The following NOL9 variants were observed in gnomAD, a reference collection of about 807,000 sequenced individuals.
NOL9 encodes nucleolar protein 9, also known as polynucleotide 5'-hydroxyl-kinase NOL9.
A neutral mutation model predicts 67.9 loss-of-function variants in NOL9; 28 were observed. The observed-to-expected ratio is 0.41, with a 90% CI of 0.31 to 0.57. NOL9 has a LOEUF of 0.57. NOL9 is among the 20% of genes least tolerant of loss of function. NOL9 has a pLI of 0.25. For missense variants in NOL9, 777 were observed against 897.0 expected (o/e 0.87, Z 1.71); for synonymous variants, 356 against 352.2 (o/e 1.01, Z -0.12).
At chr1:6,538,962 ACT>A (rs1255173520) in intron 6 of NOL9, among the ~76,000 whole-genome samples, 3 of 152,180 alleles carry the variant, frequency 2.0e-5, no homozygotes, top group South Asian at 4.1e-4. Context: ...AAAGAGCAAG[ACT>A]CTGTCTCAGA....
chr1:6,548,539 G>A (rs1639470780), intron 3 of NOL9: 1 of 342,960 alleles, frequency 2.9e-6, no homozygotes, highest in African/African-American at 2.2e-5. Flanking sequence ...TTCAGGACAG[G>A]ATCAAGCGTG....
chr1:6,544,592 C>A (rs1469686234), intron 5 of NOL9, among the ~76,000 whole-genome samples: 1 of 128,238 alleles, frequency 7.8e-6, no homozygotes, highest in Admixed American at 9.9e-5. Context: ...GACTCTGAGA[C>A]CAAGTGTCTC....
rs1227877280 is a variant in NOL9 at position 6,547,971 on chromosome 1, ACCGTCATAG to A, written c.744+1591_744+1599del. The stretch of plus-strand genomic sequence containing the variant: ...CATCATCATAGGCTTCCTACAATAC[ACCGTCATAG>A]GCTTCCTACAATACAGGCTCTAACA... On this transcript the variant is annotated intron_variant, in intron 3 of 11. Coordinates refer to ENST00000377705, the MANE Select transcript of NOL9 (RefSeq NM_024654.5). 1.0e-3 allele frequency: 271 copies of A among 270,544 alleles called. 3 individuals carry two copies. The highest frequency in any genetic ancestry group is 1.5e-3 in the Non-Finnish European group (199 of 133,230). The allele number at this position is 270,544 out of a possible 1,614,324, so 16.8% of individuals were successfully genotyped here. A position where few individuals can be genotyped will look rare whatever the true frequency, so the allele number is the denominator to read the frequency against.
chr1:6,523,171 G>GA lies in NOL9; in HGVS notation c.*2682dup, dbSNP rs1288892675. ...AGCGAGACTCTGTCTCAAAAAAAAA[G>GA]AAAAAAAAAAAAGAATAGCTCCAAT... On this transcript the variant is annotated 3_prime_UTR_variant, in exon 12 of 12. Coordinates refer to ENST00000377705, the MANE Select transcript of NOL9 (RefSeq NM_024654.5). The GA allele has an allele frequency of 0.012, 1,589 of 131,580 alleles. 30 individuals are homozygous for GA. Among genetic ancestry groups the GA allele is most frequent in the African/African-American group, 0.039 (1,425 of 36,586 alleles). 8.2% of individuals were successfully genotyped at this position (131,580 alleles called of 1,614,324 possible). A position where few individuals can be genotyped will look rare whatever the true frequency, so the allele number is the denominator to read the frequency against.
rs1638894853 is a variant in NOL9, at chr1:6,526,772, G to A, written c.1883C>T (p.Pro628Leu). 6.2e-7 allele frequency: 1 copy of A among 1,613,790 alleles called. No homozygotes were observed. The highest frequency in any genetic ancestry group is 1.3e-5 in the African/African-American group (1 of 74,906). The change falls in exon 11 of 12, where the codon CCC becomes CTC. Residue 628 changes from proline (P) to leucine (L), a missense_variant. Physicochemically the swap from Pro to Leu is moderately conservative, Grantham distance 98 (BLOSUM62 -3). Coordinates refer to ENST00000377705, the MANE Select transcript of NOL9 (RefSeq NM_024654.5). ...ATTCACGGTCCTTAGCTCTTCCGGG[G>A]GCACAGGGGTGAGGATGTGGTACAG... is the stretch of plus-strand genomic sequence containing the variant. Reference protein sequence around the residue: ...KRLYHILTPVPPEELRTVNCL... With the variant: ...KRLYHILTPVLPEELRTVNCL...
At position 6,525,795 on chromosome 1, in the gene NOL9, C is replaced by A; in HGVS notation, c.*59G>T. 2 of 1,578,088 alleles carry A rather than the reference C, an allele frequency of 1.3e-6. No homozygotes were observed. The highest frequency in any genetic ancestry group is 2.2e-5 in the South Asian group (2 of 89,652). On this transcript the variant is annotated 3_prime_UTR_variant, in exon 12 of 12. Coordinates refer to ENST00000377705, the MANE Select transcript of NOL9 (RefSeq NM_024654.5). ...GAAACTCCATCATGTCTCTTGTGGT[C>A]AGGCTTGAGACAAAGCTTTCTGGTA...
intron 9 of NOL9, among the ~76,000 whole-genome samples, chr1:6,530,587 G>C (rs1200929865): frequency 1.3e-5 from 2 of 152,286 alleles, no homozygotes; most frequent in South Asian, 4.1e-4. Context: ...CATTAGCAAA[G>C]TGACTTAGAC....
At chr1:6,541,724 A>C in intron 6 of NOL9, 106 bp downstream of exon 6, 1 of 546,828 alleles carries the variant, frequency 1.8e-6, no homozygotes, top group Non-Finnish European at 3.0e-6. Context: ...TGGTAGGCGC[A>C]TGTTCCCTTT....
intron 1 of NOL9, 70 bp from the exon 2 acceptor site, chr1:6,550,685 T>A: frequency 3.6e-6 from 3 of 842,892 alleles, no homozygotes; most frequent in Non-Finnish European, 4.9e-6. Context: ...TCTAAAATCT[T>A]TTTTTTTTTT....
chr1:6,527,053 T>C (rs948266676), intron 10 of NOL9, among the ~76,000 whole-genome samples: 3 of 151,544 alleles, frequency 2.0e-5, no homozygotes, highest in Non-Finnish European at 4.4e-5. Context: ...CGAGACCAGC[T>C]TGGGCAACAC....
intron 9 of NOL9, 43 bp downstream of exon 9, chr1:6,531,925 G>A (rs371645353): frequency 1.7e-4 from 254 of 1,490,956 alleles, no homozygotes; most frequent in Non-Finnish European, 2.4e-4. Context: ...CCACACAAGT[G>A]TGTAACAAAA....
At chr1:6,527,372 G>A (rs1432746387) in intron 10 of NOL9, among the ~76,000 whole-genome samples, 1 of 152,180 alleles carries the variant, frequency 6.6e-6, no homozygotes, top group East Asian at 1.9e-4. Flanking sequence ...GATTGGGCCA[G>A]CTGCGGTGGC....
At chr1:6,542,117 G>A (rs2148658293) in intron 5 of NOL9, among the ~76,000 whole-genome samples, 190 bp from the exon 6 acceptor site, 1 of 151,222 alleles carries the variant, frequency 6.6e-6, no homozygotes, top group South Asian at 2.1e-4. Context: ...GTGCAGGCAT[G>A]GTCACAATGT....
Position 6,525,633 on chromosome 1 carries a change from CA to C in NOL9, c.*220del. 3.5e-6 allele frequency: 2 copies of C among 568,094 alleles called. No individual in the cohort carries two copies. The highest frequency in any genetic ancestry group is 6.3e-6 in the Non-Finnish European group (2 of 319,820). The allele number at this position is 568,094 out of a possible 1,614,324, so 35.2% of individuals were successfully genotyped here. A position where few individuals can be genotyped will look rare whatever the true frequency, so the allele number is the denominator to read the frequency against. ...CTGCTGTTTTACTCCCTCTGGACAG[CA>C]AGTATGAGTATCACACAGAAGACTA... On this transcript the variant is annotated 3_prime_UTR_variant, in exon 12 of 12. Coordinates refer to ENST00000377705, the MANE Select transcript of NOL9 (RefSeq NM_024654.5).
chr1:6,550,609 T>G lies in NOL9; in HGVS notation c.403A>C (p.Thr135Pro), dbSNP rs778446668. 8 of 1,610,364 alleles carry G rather than the reference T, an allele frequency of 5.0e-6. No homozygotes were observed. The South Asian group carries it at 8.8e-5, about 18-fold the overall frequency. Residue 135 changes from threonine to proline, a missense_variant, in exon 2 of 12, where the codon ACT becomes CCT. This residue lies in a region of NOL9 where 364 missense variants were observed against 344.4 expected (regional missense o/e 1.06). Coordinates refer to ENST00000377705, the MANE Select transcript of NOL9 (RefSeq NM_024654.5). ...LLLLPVEQGF[T>P]FSGICRVTCL... ...GTCACACGACAGATCCCACTAAAAG[T>G]AAAACCCTAGCAGGGAGAGAAAACA...
intron 10 of NOL9, 96 bp from the exon 11 acceptor site, chr1:6,526,925 TTA>T: frequency 7.1e-7 from 1 of 1,409,254 alleles, no homozygotes; most frequent in Non-Finnish European, 9.5e-7. Context: ...ACATAAGTCT[TTA>T]TATCAACTCT....
rs1316421256 is a variant in NOL9 at position 6,554,409 on chromosome 1, G to T, written c.94C>A (p.Arg32=). The T allele has an allele frequency of 6.6e-7, 1 of 1,510,188 alleles. No individual in the cohort carries two copies. The highest frequency in any genetic ancestry group is 8.7e-7 in the Non-Finnish European group (1 of 1,143,936). 93.5% of individuals were successfully genotyped at this position (1,510,188 alleles called of 1,614,324 possible). ...KARPQLILSR[R]PRRRLGSLRW... is the part of the protein sequence containing the mutation. ...AGGCTCCCGAGCCGGCGGCGGGGCC[G>T]GCGGCTGAGGATGAGCTGGGGCCGG... Residue 32 remains arginine, a synonymous_variant, in exon 1 of 12, where the codon CGG becomes AGG. Coordinates refer to ENST00000377705, the MANE Select transcript of NOL9 (RefSeq NM_024654.5).
At chr1:6,548,521 T>C in intron 3 of NOL9, 2 of 293,164 alleles carry the variant, frequency 6.8e-6, no homozygotes, top group South Asian at 7.5e-5. Flanking sequence ...CCATGCGTGC[T>C]AAACGTGTTC....
At chr1:6,550,249 T>G (rs1281361970) in intron 2 of NOL9, 147 bp downstream of exon 2, 1 of 641,090 alleles carries the variant, frequency 1.6e-6, no homozygotes, top group African/African-American at 1.8e-5. Context: ...GCCAGGATGG[T>G]CTCGATCTCC....
Sources: allele counts gnomAD v4.1 joint callset (sites outside exome capture counted in the v4.1 genomes callset), GRCh38; gene constraint gnomAD v4.1.1; regional missense constraint gnomAD v4.1.1; transcripts MANE v1.5; gene names NCBI Gene and HGNC (gene_info 2026-07-23, HGNC 2026-07-21).